Variants in SUPT3H observed in about 807,000 individuals in gnomAD.
SUPT3H encodes the protein transcription initiation protein SPT3 homolog.
In SUPT3H, 44 loss-of-function variants were observed where a neutral mutation model predicts 44.3. The ratio of observed to expected loss-of-function variants is 0.99; its 90% confidence interval spans 0.78 to 1.28. The LOEUF (loss-of-function observed/expected upper bound fraction) is 1.28. SUPT3H is among the 50% of genes most tolerant of loss of function. The probability of loss-of-function intolerance (pLI) is 0.00; values close to 1 mark genes in which losing one functional copy is unlikely to be tolerated. For missense variants in SUPT3H, 380 were observed against 387.1 expected, an observed-to-expected ratio of 0.98 and a Z score of 0.15; for synonymous variants, 124 against 125.6, an observed-to-expected ratio of 0.99 and a Z score of 0.09.
intron 2 of SUPT3H, among the ~76,000 whole-genome samples, chr6:45,260,082 T>A (rs1774102641): frequency 6.6e-6 from 1 of 152,188 alleles, no homozygotes; most frequent in Admixed American, 6.5e-5. Context: ...TGGGTACTCC[T>A]GCTTTCACCA....
chr6:44,850,011 C>T (rs1397144920), intron 10 of SUPT3H, among the ~76,000 whole-genome samples: 1 of 152,200 alleles, frequency 6.6e-6, no homozygotes, highest in African/African-American at 2.4e-5. Flanking sequence ...ATAGATACCA[C>T]TTCCTCTTCA....
At chr6:45,049,248 C>T (rs1789901018) in intron 3 of SUPT3H, among the ~76,000 whole-genome samples, 1 of 152,126 alleles carries the variant, frequency 6.6e-6, no homozygotes, top group African/African-American at 2.4e-5. Context: ...GATCTGCTTC[C>T]AACCCTGAGA....
chr6:45,347,036 G>C (rs1008971664), intron 2 of SUPT3H, among the ~76,000 whole-genome samples: 2 of 152,064 alleles, frequency 1.3e-5, no homozygotes, highest in Non-Finnish European at 2.9e-5. Context: ...TGGCTGAAAA[G>C]AGAGGTGGTA....
intron 10 of SUPT3H, among the ~76,000 whole-genome samples, chr6:44,909,142 C>CGTGTGT (rs34494107): frequency 0.013 from 1,946 of 147,036 alleles, 12 homozygotes; most frequent in Non-Finnish European, 0.019. Flanking sequence ...TGTGTGTGTG[C>CGTGTGT]GTGTGTGTGT....
intron 2 of SUPT3H, among the ~76,000 whole-genome samples, chr6:45,292,502 T>A (rs1780472266): frequency 6.6e-6 from 1 of 151,924 alleles, no homozygotes; most frequent in Non-Finnish European, 1.5e-5. Context: ...TGAATGTAAA[T>A]GGCCTAAATG....
chr6:44,838,933 A>C (rs765884248), intron 10 of SUPT3H, among the ~76,000 whole-genome samples: 7 of 152,202 alleles, frequency 4.6e-5, no homozygotes, highest in Non-Finnish European at 7.3e-5. Context: ...AGTTGTGTTA[A>C]ATTTGCCATG....
intron 2 of SUPT3H, among the ~76,000 whole-genome samples, chr6:45,273,828 C>G (rs1035907300): frequency 1.3e-5 from 2 of 152,170 alleles, no homozygotes; most frequent in Non-Finnish European, 2.9e-5. Context: ...TTCTGCTTCA[C>G]TAGGAGTGAA....
intron 2 of SUPT3H, among the ~76,000 whole-genome samples, chr6:45,343,552 GAGA>G (rs201837728): frequency 0.02 from 3,039 of 152,224 alleles, 106 homozygotes; most frequent in African/African-American, 0.068. Context: ...CTGATTAAGA[GAGA>G]AGGTCCTATG....
chr6:44,952,003 A>C (rs1382258646), intron 9 of SUPT3H, among the ~76,000 whole-genome samples: 1 of 152,226 alleles, frequency 6.6e-6, no homozygotes, highest in Non-Finnish European at 1.5e-5. Flanking sequence ...AGTAAGCTTT[A>C]GGGACTTTTG....
intron 2 of SUPT3H, among the ~76,000 whole-genome samples, chr6:45,361,994 T>C (rs557155829): frequency 5.3e-5 from 8 of 152,106 alleles, no homozygotes; most frequent in African/African-American, 1.9e-4. Flanking sequence ...GAGTTTACAG[T>C]GAGCAGAGAT....
chr6:45,134,750 G>A (rs903342780), intron 2 of SUPT3H, among the ~76,000 whole-genome samples: 4 of 152,190 alleles, frequency 2.6e-5, no homozygotes, highest in Non-Finnish European at 4.4e-5. Flanking sequence ...AGTTCTGCCA[G>A]GATGGATTTG....
At chr6:45,139,630 A>G (rs1312388499) in intron 2 of SUPT3H, among the ~76,000 whole-genome samples, 1 of 152,192 alleles carries the variant, frequency 6.6e-6, no homozygotes, top group African/African-American at 2.4e-5. Flanking sequence ...AAGAATGTGA[A>G]ACTCCAGGTA....
intron 5 of SUPT3H, among the ~76,000 whole-genome samples, chr6:45,008,899 C>T (rs1783082314): frequency 1.3e-5 from 2 of 152,048 alleles, no homozygotes; most frequent in African/African-American, 2.4e-5. Context: ...ACCACTATAC[C>T]CAGCTCATTT....
chr6:45,176,663 T>G (rs1268891025), intron 2 of SUPT3H, among the ~76,000 whole-genome samples: 1 of 147,490 alleles, frequency 6.8e-6, no homozygotes, highest in South Asian at 2.2e-4. Flanking sequence ...CTCTGCAGAC[T>G]TAAATGTCCC....
chr6:45,155,696 T>C (rs971986296), intron 2 of SUPT3H, among the ~76,000 whole-genome samples: 18 of 152,092 alleles, frequency 1.2e-4, no homozygotes, highest in African/African-American at 4.3e-4. Flanking sequence ...AAAATGGAGT[T>C]AGTCATGCTA....
intron 3 of SUPT3H, among the ~76,000 whole-genome samples, chr6:45,082,166 G>T (rs1367854567): frequency 1.3e-5 from 2 of 151,926 alleles, no homozygotes; most frequent in Admixed American, 6.6e-5. Context: ...CTACCAACCA[G>T]AAAAAGCCCC....
chr6:45,362,843 G>GT (rs141246778), intron 2 of SUPT3H, among the ~76,000 whole-genome samples: 27,277 of 151,874 alleles, frequency 0.18, 3,801 homozygotes, highest in African/African-American at 0.39. Context: ...TTTTTTCTCA[G>GT]TTTTTTTAAA....
In SUPT3H at chr6:45,002,831, T is replaced by C. The variant is rs75165349; in HGVS notation, c.504+822A>G. Reference sequence around the variant, plus strand: ...CCTCCAAAGTTTAACATAAAATAATTATATCTTCAGCATGCATAGAAACTA... The same window carrying C: ...CCTCCAAAGTTTAACATAAAATAATCATATCTTCAGCATGCATAGAAACTA... On this transcript the variant is annotated intron_variant, in intron 6 of 10. Transcript: ENST00000371459. Among the ~76,000 whole-genome samples the C allele has an allele frequency of 2.6e-3, 391 of 152,190 alleles. 3 individuals are homozygous for C. Among genetic ancestry groups the C allele is most frequent in the African/African-American group, 8.6e-3 (357 of 41,548 alleles).
At chr6:44,957,083 G>A (rs1388303668) in intron 7 of SUPT3H, among the ~76,000 whole-genome samples, 2 of 152,164 alleles carry the variant, frequency 1.3e-5, no homozygotes, top group Non-Finnish European at 2.9e-5. Context: ...TAGAGGGAAA[G>A]ATTGATAGTG....
Sources: gnomAD v4.1 joint callset for allele counts (sites outside exome capture counted in the v4.1 genomes callset) on GRCh38, gnomAD v4.1.1 for gene constraint, MANE v1.5 for transcripts, NCBI Gene and HGNC (gene_info 2026-07-23, HGNC 2026-07-21) for gene names.